The following VCAN variants were observed in gnomAD, a reference collection of about 807,000 sequenced individuals.
The protein encoded by VCAN is versican.
In VCAN, 44 loss-of-function variants were observed where a neutral mutation model predicts 245.5. The observed-to-expected ratio is 0.18, with a 90% confidence interval of 0.14 to 0.23. The LOEUF (loss-of-function observed/expected upper bound fraction) is 0.23, where lower values mean the gene tolerates loss of function less well. VCAN is among the 10% of genes least tolerant of loss of function. VCAN has a pLI of 1.00. For missense variants in VCAN, 3,793 were observed against 4,057.9 expected, an observed-to-expected ratio of 0.93 and a Z score of 1.77; for synonymous variants, 1,413 against 1,437.0, an observed-to-expected ratio of 0.98 and a Z score of 0.38.
chr5:83,527,383 G>T (rs1398606965), intron 7 of VCAN, among the ~76,000 whole-genome samples: 5 of 152,164 alleles, frequency 3.3e-5, no homozygotes, highest in Admixed American at 3.3e-4. Flanking sequence ...TCCAGCTGTG[G>T]CTGTCTGTCA....
chr5:83,544,661 A>T (rs1022446365), intron 8 of VCAN, among the ~76,000 whole-genome samples: 1 of 152,226 alleles, frequency 6.6e-6, no homozygotes, highest in African/African-American at 2.4e-5. Flanking sequence ...AGTCTGAAAC[A>T]ATATACAAAG....
rs186162647 is a variant in VCAN at position 83,538,819 on chromosome 5, G to A, written c.5816G>A (p.Arg1939Lys). The A allele has an allele frequency of 3.7e-6, 6 of 1,613,930 alleles. No individual in the cohort carries two copies. The Admixed American group carries it at 1.0e-4, about 27-fold the overall frequency. Reference sequence around the variant, plus strand: ...GAGGAAGATTTCAGTGGTGACTTTAGAGAATACTCAACAGTGTCTCATCCC... The same window carrying A: ...GAGGAAGATTTCAGTGGTGACTTTAAAGAATACTCAACAGTGTCTCATCCC... ...PLEEDFSGDF[R>K]EYSTVSHPIA... Residue 1939 changes from arginine (R) to lysine (K), a missense_variant, in exon 8 of 15, where the codon AGA (arginine) becomes AAA (lysine). This residue lies in a region of VCAN where 3,182 missense variants were observed against 3,250.3 expected (regional missense o/e 0.98). Transcript: ENST00000265077.
At chr5:83,475,634 T>C (rs1204356383) in intron 1 of VCAN, among the ~76,000 whole-genome samples, 1 of 152,248 alleles carries the variant, frequency 6.6e-6, no homozygotes, top group African/African-American at 2.4e-5. Flanking sequence ...TCCAAGAGTC[T>C]GACTTCTTGT....
intron 2 of VCAN, among the ~76,000 whole-genome samples, chr5:83,488,801 G>T (rs1019946819): frequency 1.3e-5 from 2 of 152,132 alleles, no homozygotes; most frequent in Non-Finnish European, 2.9e-5. Flanking sequence ...AAATAAATTA[G>T]TGATTTATAT....
intron 1 of VCAN, among the ~76,000 whole-genome samples, chr5:83,473,583 T>C (rs1311274362): frequency 6.6e-6 from 1 of 152,182 alleles, no homozygotes; most frequent in African/African-American, 2.4e-5. Context: ...GTGAAATCCC[T>C]GCCTTTCCCG....
Position 83,580,431 on chromosome 5 carries a change from C to T in VCAN, c.10188C>T (p.Arg3396=). 1 of 1,613,782 alleles carries T rather than the reference C, an allele frequency of 6.2e-7. No individual in the cohort carries two copies. The highest frequency in any genetic ancestry group is 8.5e-7 in the Non-Finnish European group (1 of 1,179,862). The change falls in exon 15 of 15, where the codon CGC becomes CGT. Residue 3396 remains arginine (R), a synonymous_variant. Coordinates refer to ENST00000265077, the MANE Select transcript of VCAN (RefSeq NM_004385.5). ...GCCGGAGGTGGCAGGAGTCGAGGCGCTGATCCCTAAAATGGCGAACATGTG... is the reference window on the plus strand; with the variant it reads ...GCCGGAGGTGGCAGGAGTCGAGGCGTTGATCCCTAAAATGGCGAACATGTG... ...RWSRRWQESR[R] is the part of the protein sequence containing the mutation.
intron 1 of VCAN, among the ~76,000 whole-genome samples, chr5:83,481,157 G>T (rs1455198274): frequency 6.8e-6 from 1 of 147,632 alleles, no homozygotes; most frequent in Non-Finnish European, 1.5e-5. Context: ...TGGAAAAAAA[G>T]AAAAATAAAA....
At chr5:83,476,265 G>A (rs569929279) in intron 1 of VCAN, among the ~76,000 whole-genome samples, 1 of 152,338 alleles carries the variant, frequency 6.6e-6, no homozygotes, top group Non-Finnish European at 1.5e-5. Context: ...TTCCTGGTGA[G>A]ATTTAAACAT....
At chr5:83,579,897 T>C (rs1415073096) in intron 13 of VCAN, 83 bp from the exon 14 acceptor site, 2 of 1,465,322 alleles carry the variant, frequency 1.4e-6, no homozygotes, top group South Asian at 1.2e-5. Flanking sequence ...TTTGGTACCA[T>C]AAAGAAAGAG....
At chr5:83,545,095 G>T (rs767316342) in intron 8 of VCAN, 1 of 223,740 alleles carries the variant, frequency 4.5e-6, no homozygotes, top group Admixed American at 5.2e-5. Flanking sequence ...TAATTCAAAT[G>T]ATGATAACAA....
intron 5 of VCAN, among the ~76,000 whole-genome samples, chr5:83,500,812 A>G (rs187168821): frequency 1.2e-3 from 183 of 152,312 alleles, no homozygotes; most frequent in African/African-American, 4.2e-3. Context: ...CAATGATTGC[A>G]TTACAGATTG....
intron 12 of VCAN, among the ~76,000 whole-genome samples, chr5:83,567,535 C>T (rs1206416869): frequency 1.3e-5 from 2 of 151,984 alleles, no homozygotes; most frequent in African/African-American, 2.4e-5. Flanking sequence ...CTCCTGACCT[C>T]GTGATCCACC....
intron 2 of VCAN, among the ~76,000 whole-genome samples, chr5:83,487,210 A>G (rs1744821985): frequency 6.6e-6 from 1 of 152,210 alleles, no homozygotes; most frequent in Non-Finnish European, 1.5e-5. Flanking sequence ...AAAGAGTGAT[A>G]AATTCCCATA....
chr5:83,511,987 A>G (rs1580619208), intron 5 of VCAN, 116 bp from the exon 6 acceptor site: 2 of 1,331,788 alleles, frequency 1.5e-6, no homozygotes, highest in East Asian at 4.6e-5. Context: ...AGAAGCTGCT[A>G]CCTTGCCATG....
intron 7 of VCAN, among the ~76,000 whole-genome samples, chr5:83,524,092 G>A (rs538134311): frequency 2.8e-4 from 42 of 152,212 alleles, no homozygotes; most frequent in African/African-American, 9.4e-4. Context: ...ACTCTTCCAA[G>A]TGGGAAACTG....
intron 5 of VCAN, among the ~76,000 whole-genome samples, chr5:83,497,781 C>A (rs11948691): frequency 1.3e-5 from 2 of 151,970 alleles, no homozygotes; most frequent in Admixed American, 6.6e-5. Context: ...GGTAAAGGAT[C>A]GGAATTATTT....
rs1305736479 is a variant in VCAN, at chr5:83,471,884, C to A, written c.-146C>A. On this transcript the variant is annotated 5_prime_UTR_variant, in exon 1 of 15. Transcript: ENST00000265077. The stretch of plus-strand genomic sequence containing the variant: ...CGGCCAGCCCCGCATCCTCCCGCAT[C>A]TTCCAGCACCGTCCCGCACCCTCCG... 1 of 395,032 alleles carries A rather than the reference C, an allele frequency of 2.5e-6. No individual in the cohort carries two copies. The allele number at this position is 395,032 out of a possible 1,614,324, so 24.5% of individuals were successfully genotyped here. A position where few individuals can be genotyped will look rare whatever the true frequency, so the allele number is the denominator to read the frequency against.
At chr5:83,544,688 A>G (rs1747138396) in intron 8 of VCAN, among the ~76,000 whole-genome samples, 1 of 152,230 alleles carries the variant, frequency 6.6e-6, no homozygotes, top group South Asian at 2.1e-4. Context: ...TATAAACTCA[A>G]TGAAAATACA....
chr5:83,522,210 T>A lies in VCAN; in HGVS notation c.3904T>A (p.Phe1302Ile). Reference protein sequence around the residue: ...RPPTVEDKEAFGPQALSTPQP... With the variant: ...RPPTVEDKEAIGPQALSTPQP... The stretch of plus-strand genomic sequence containing the variant: ...ACCCACTGTGGAAGACAAAGAGGCC[T>A]TTGGACCTCAGGCGCTTTCTACGCC... Residue 1302 changes from phenylalanine (F) to isoleucine (I), a missense_variant, in exon 7 of 15, where the codon TTT becomes ATT. Physicochemically the swap from Phe to Ile is conservative, Grantham distance 21 (BLOSUM62 0). This residue lies in a region of VCAN where 3,182 missense variants were observed against 3,250.3 expected (regional missense o/e 0.98). Coordinates refer to ENST00000265077, the MANE Select transcript of VCAN (RefSeq NM_004385.5). 1 of 1,604,604 alleles carries A rather than the reference T, an allele frequency of 6.2e-7. No homozygotes were observed. Among genetic ancestry groups the A allele is most frequent in the South Asian group, 1.1e-5 (1 of 91,040 alleles).
Sources: gnomAD v4.1 joint callset for allele counts (sites outside exome capture counted in the v4.1 genomes callset) on GRCh38, gnomAD v4.1.1 for gene constraint, gnomAD v4.1.1 regional missense constraint, MANE v1.5 for transcripts, NCBI Gene and HGNC (gene_info 2026-07-23, HGNC 2026-07-21) for gene names.